Variants in COL4A1 observed in about 807,000 individuals in gnomAD.
COL4A1 encodes collagen type IV alpha 1 chain.
A neutral mutation model predicts 216.6 loss-of-function variants in COL4A1; 40 were observed. The ratio of observed to expected loss-of-function variants is 0.18; its 90% CI spans 0.14 to 0.24. The LOEUF (loss-of-function observed/expected upper bound fraction) is 0.24. COL4A1 is among the 10% of genes least tolerant of loss of function. The probability of loss-of-function intolerance (pLI) is 1.00; values close to 1 mark genes in which losing one functional copy is unlikely to be tolerated. For synonymous variants in COL4A1, 839 were observed against 810.7 expected (o/e 1.03, Z -0.59); for missense variants, 1,628 against 2,196.8 (o/e 0.74, Z 5.18).
chr13:110,163,394 C>G (rs1225298998), intron 47 of COL4A1, 69 bp downstream of exon 47: 23 of 1,372,218 alleles, frequency 1.7e-5, no homozygotes, highest in Admixed American at 1.7e-5. Flanking sequence ...TTTCCCCATG[C>G]CTGGTTCTGC....
At chr13:110,156,914 T>C (rs1383800660) in intron 49 of COL4A1, among the ~76,000 whole-genome samples, 2 of 152,214 alleles carry the variant, frequency 1.3e-5, no homozygotes, top group Non-Finnish European at 2.9e-5. Context: ...TGCAATTTTC[T>C]ATTTTATTCA....
intron 41 of COL4A1, 85 bp from the exon 42 acceptor site, chr13:110,170,817 G>C: frequency 6.8e-7 from 1 of 1,461,786 alleles, no homozygotes; most frequent in Non-Finnish European, 9.5e-7. Context: ...ATGGGATGAG[G>C]CGTGCCTCAT....
intron 14 of COL4A1, 72 bp from the exon 15 acceptor site, chr13:110,206,787 C>T: frequency 6.2e-7 from 1 of 1,608,484 alleles, no homozygotes; most frequent in Non-Finnish European, 8.5e-7. Context: ...AGATATTAAA[C>T]TTAAGGTGAA....
rs1462723072 is a variant in COL4A1 at position 110,152,516 on chromosome 13, A to C, written c.4756-10T>G. On this transcript the variant is annotated splice_polypyrimidine_tract_variant and intron_variant, in intron 50 of 51. Coordinates refer to ENST00000375820, the MANE Select transcript of COL4A1 (RefSeq NM_001845.6). ...CACCAGCGCTGGTGTGCTGCAGAACAGATGCGAGCCGTGAGTCAGAGGTTC... is the reference window on the plus strand; with the variant it reads ...CACCAGCGCTGGTGTGCTGCAGAACCGATGCGAGCCGTGAGTCAGAGGTTC... 6.2e-7 allele frequency: 1 copy of C among 1,607,150 alleles called. No homozygotes were observed. Among genetic ancestry groups the C allele is most frequent in the South Asian group, 1.1e-5 (1 of 90,686 alleles).
At chr13:110,219,701 T>TATATATATATGC (rs1313497680) in intron 2 of COL4A1, among the ~76,000 whole-genome samples, 1 of 136,610 alleles carries the variant, frequency 7.3e-6, no homozygotes, top group Non-Finnish European at 1.5e-5. Context: ...TATATATATG[T>TATATATATATGC]ATATACATAT....
intron 45 of COL4A1, 124 bp from the exon 46 acceptor site, chr13:110,165,114 T>C: frequency 2.9e-6 from 4 of 1,396,096 alleles, no homozygotes; most frequent in Non-Finnish European, 3.9e-6. Context: ...GTAAAGTCAT[T>C]ATCAAAACCC....
intron 1 of COL4A1, among the ~76,000 whole-genome samples, chr13:110,305,252 A>C (rs80285502): frequency 0.029 from 4,442 of 152,312 alleles, 79 homozygotes; most frequent in Middle Eastern, 0.075. Flanking sequence ...CACTGCAAAG[A>C]CAGTGGCCGG....
Position 110,210,121 on chromosome 13 carries a change from A to G in COL4A1, c.552+8T>C. 2 of 1,614,046 alleles carry G rather than the reference A, an allele frequency of 1.2e-6. 1 individual carries two copies. Among genetic ancestry groups the G allele is most frequent in the South Asian group, 2.2e-5 (2 of 91,076 alleles). On this transcript the variant is annotated splice_region_variant and intron_variant, in intron 9 of 51. Transcript: ENST00000375820. ...GCACATGTTCATAATGATTCAGCAAATGCTTACTGGAGTCCCTGGGATTCC... is the reference window on the plus strand; with the variant it reads ...GCACATGTTCATAATGATTCAGCAAGTGCTTACTGGAGTCCCTGGGATTCC...
intron 2 of COL4A1, among the ~76,000 whole-genome samples, chr13:110,219,668 A>ATATATATGTGTATATATATG (rs1566384712): frequency 2.2e-5 from 1 of 45,418 alleles, no homozygotes; most frequent in East Asian, 1.9e-3. Flanking sequence ...ATATGTATAT[A>ATATATATGTGTATATATATG]TATATATATG....
chr13:110,173,796 G>A, intron 40 of COL4A1, 104 bp downstream of exon 40: 1 of 1,314,820 alleles, frequency 7.6e-7, no homozygotes, highest in Non-Finnish European at 1.1e-6. Flanking sequence ...GTGCAGTCTA[G>A]GGGCCATTCT....
intron 1 of COL4A1, among the ~76,000 whole-genome samples, chr13:110,286,578 GA>G (rs1594117280): frequency 6.6e-6 from 1 of 152,304 alleles, no homozygotes; most frequent in East Asian, 1.9e-4. Flanking sequence ...GGATACAGAG[GA>G]GCCGCCTATA....
chr13:110,150,442 T>C lies in COL4A1; in HGVS notation c.4931A>G (p.Lys1644Arg). ...ATIERSEMFK[K>R]PTPSTLKAGE... ...TGCCTTCAAGGTGGACGGCGTAGGCTTCCTAAAACACGACACAGAGACAGA... is the reference window on the plus strand; with the variant it reads ...TGCCTTCAAGGTGGACGGCGTAGGCCTCCTAAAACACGACACAGAGACAGA... Residue 1644 changes from lysine (K) to arginine (R), a missense_variant and splice_region_variant, in exon 52 of 52, where the codon AAG (lysine) becomes AGG (arginine). Around this residue, in one of 8 missense-constraint regions of COL4A1, gnomAD observed 254 missense variants for 300.1 expected, o/e 0.85. Transcript: ENST00000375820. 2.5e-6 allele frequency: 4 copies of C among 1,613,940 alleles called. No homozygotes were observed. Among genetic ancestry groups the C allele is most frequent in the South Asian group, 1.1e-5 (1 of 91,058 alleles).
At chr13:110,293,655 T>C (rs1158460120) in intron 1 of COL4A1, among the ~76,000 whole-genome samples, 6 of 152,202 alleles carry the variant, frequency 3.9e-5, no homozygotes, top group African/African-American at 1.4e-4. Flanking sequence ...TCTTCCTCAC[T>C]CTGACACTTT....
chr13:110,230,602 A>T (rs1880999551), intron 2 of COL4A1, among the ~76,000 whole-genome samples: 1 of 152,120 alleles, frequency 6.6e-6, no homozygotes, highest in South Asian at 2.1e-4. Flanking sequence ...AGCCTCCTGC[A>T]GAAGCCACTG....
intron 17 of COL4A1, 50 bp downstream of exon 17, chr13:110,205,303 G>T: frequency 6.2e-7 from 1 of 1,604,882 alleles, no homozygotes; most frequent in Non-Finnish European, 8.5e-7. Flanking sequence ...CAGACTTCTG[G>T]GTTGAATTGG....
At chr13:110,225,670 G>A (rs942070984) in intron 2 of COL4A1, among the ~76,000 whole-genome samples, 7 of 152,232 alleles carry the variant, frequency 4.6e-5, no homozygotes, top group African/African-American at 9.6e-5. Flanking sequence ...ATCTACAAGA[G>A]GGTGCAGATT....
chr13:110,149,199 A>G lies in COL4A1; in HGVS notation c.*1164T>C, dbSNP rs1435473435. ...TGTCATTTCAGGCCTAGTGGTCCGA[A>G]TCTGCCCTCCTGCGGTCCATGCGAT... On this transcript the variant is annotated 3_prime_UTR_variant, in exon 52 of 52. Transcript: ENST00000375820. 3 of 154,798 alleles carry G rather than the reference A, an allele frequency of 1.9e-5. No individual in the cohort carries two copies. The highest frequency in any genetic ancestry group is 7.2e-5 in the African/African-American group (3 of 41,530). The allele number at this position is 154,798 out of a possible 1,614,324, so 9.6% of individuals were successfully genotyped here.
At chr13:110,170,121 G>GGAAGGAAGGAAGGAAA (rs1877558630) in intron 42 of COL4A1, among the ~76,000 whole-genome samples, 1 of 23,260 alleles carries the variant, frequency 4.3e-5, no homozygotes, top group African/African-American at 9.1e-5. Flanking sequence ...AAAGAAGGAA[G>GGAAGGAAGGAAGGAAA]GAAGGAAGGA....
chr13:110,223,667 G>C lies in COL4A1; in HGVS notation c.145-9652C>G, dbSNP rs371811976. Reference sequence around the variant, plus strand: ...ATGTTGCACACTGCAGCAATCAGAGGCCAAAATCAGCCACCGAAGCTAGGT... The same window carrying C: ...ATGTTGCACACTGCAGCAATCAGAGCCCAAAATCAGCCACCGAAGCTAGGT... On this transcript the variant is annotated intron_variant, in intron 2 of 51. Coordinates refer to ENST00000375820, the MANE Select transcript of COL4A1 (RefSeq NM_001845.6). 5.9e-5 allele frequency among the ~76,000 whole-genome samples: 9 copies of C among 152,332 alleles called. No individual in the cohort carries two copies. In the South Asian group the frequency reaches 1.4e-3, roughly 25 times the overall value.
Sources: gnomAD v4.1 joint callset for allele counts (sites outside exome capture counted in the v4.1 genomes callset) on GRCh38, gnomAD v4.1.1 for gene constraint, gnomAD v4.1.1 regional missense constraint, MANE v1.5 for transcripts, NCBI Gene and HGNC (gene_info 2026-07-23, HGNC 2026-07-21) for gene names.